ADAM17: variants seen among roughly 807,000 people sequenced by gnomAD.
ADAM17 encodes ADAM metallopeptidase domain 17, also known as disintegrin and metalloproteinase domain-containing protein 17.
In ADAM17, 39 loss-of-function variants were observed where a neutral mutation model predicts 96.7. The ratio of observed to expected loss-of-function variants is 0.40; its 90% CI spans 0.31 to 0.53. The LOEUF (loss-of-function observed/expected upper bound fraction) is 0.53. Among genes scored for constraint, ADAM17 ranks in the 20% least tolerant of loss-of-function variants. The probability of loss-of-function intolerance (pLI) is 0.44; values close to 1 mark genes in which losing one functional copy is unlikely to be tolerated. For synonymous variants in ADAM17, 344 were observed against 359.2 expected (o/e 0.96, Z 0.48); for missense variants, 777 against 1,013.2 (o/e 0.77, Z 3.17).
chr2:9,542,263 G>T (rs1431651529), intron 2 of ADAM17, among the ~76,000 whole-genome samples: 4 of 152,108 alleles, frequency 2.6e-5, no homozygotes, highest in African/African-American at 9.7e-5. Flanking sequence ...ATTTGGGCCA[G>T]GCATGGTGGC....
At chr2:9,539,741 T>C (rs1456913539) in intron 2 of ADAM17, among the ~76,000 whole-genome samples, 1 of 152,204 alleles carries the variant, frequency 6.6e-6, no homozygotes, top group Non-Finnish European at 1.5e-5. Flanking sequence ...CGCAATATGA[T>C]AGAAAAGAAA....
chr2:9,492,941 G>A lies in ADAM17; in HGVS notation c.2039C>T (p.Ser680Phe). The change falls in exon 17 of 19, where the codon TCC becomes TTC. Residue 680 changes from serine to phenylalanine, a missense_variant. Coordinates refer to ENST00000310823, the MANE Select transcript of ADAM17 (RefSeq NM_003183.6). ...GCTGAAAGGAATCCAAAATATCAAGGAGAAAACCAGGACAGACCCAACGAT... is the reference window on the plus strand; with the variant it reads ...GCTGAAAGGAATCCAAAATATCAAGAAGAAAACCAGGACAGACCCAACGAT... ...DNIVGSVLVF[S>F]LIFWIPFSIL... 1.2e-6 allele frequency: 2 copies of A among 1,612,988 alleles called. No individual in the cohort carries two copies. Among genetic ancestry groups the A allele is most frequent in the Non-Finnish European group, 1.7e-6 (2 of 1,179,384 alleles).
At chr2:9,530,772 T>A (rs1317531585) in intron 4 of ADAM17, among the ~76,000 whole-genome samples, 1 of 152,176 alleles carries the variant, frequency 6.6e-6, no homozygotes, top group Non-Finnish European at 1.5e-5. Flanking sequence ...TAAGGATGCA[T>A]ACAGAAGTAT....
intron 1 of ADAM17, among the ~76,000 whole-genome samples, chr2:9,554,350 A>G (rs969061147): frequency 1.3e-5 from 2 of 152,194 alleles, no homozygotes; most frequent in African/African-American, 4.8e-5. Flanking sequence ...ATGTCCTTCA[A>G]TTTGTACTGA....
intron 1 of ADAM17, among the ~76,000 whole-genome samples, chr2:9,547,907 A>C (rs1232020061): frequency 6.6e-6 from 1 of 152,048 alleles, no homozygotes. Context: ...AAATAAAATA[A>C]AATACAAAAA....
intron 12 of ADAM17, among the ~76,000 whole-genome samples, chr2:9,503,094 C>T (rs986299133): frequency 9.5e-5 from 14 of 147,684 alleles, no homozygotes; most frequent in Non-Finnish European, 2.1e-4. Flanking sequence ...GAGCCAAGAT[C>T]GCGCCACTGC....
At chr2:9,538,175 T>C (rs1160862839) in intron 2 of ADAM17, among the ~76,000 whole-genome samples, 1 of 152,206 alleles carries the variant, frequency 6.6e-6, no homozygotes, top group African/African-American at 2.4e-5. Context: ...TTCTCAAGTA[T>C]TATTTATAGT....
intron 13 of ADAM17, among the ~76,000 whole-genome samples, chr2:9,501,265 A>G (rs1165445134): frequency 6.6e-6 from 1 of 152,226 alleles, no homozygotes. Flanking sequence ...AAAAAAAGTA[A>G]GAACAAGAGA....
At chr2:9,524,490 A>G (rs1479819310) in intron 6 of ADAM17, among the ~76,000 whole-genome samples, 3 of 151,970 alleles carry the variant, frequency 2.0e-5, no homozygotes, top group Non-Finnish European at 4.4e-5. Context: ...AAAAAAAAAA[A>G]GTCACGTGAG....
rs370991762 is a variant in ADAM17 at position 9,509,965 on chromosome 2, C to T, written c.1344+14G>A. 3.8e-5 allele frequency: 62 copies of T among 1,612,862 alleles called. No individual in the cohort carries two copies. Among genetic ancestry groups the T allele is most frequent in the East Asian group, 2.7e-4 (12 of 44,878 alleles). The stretch of plus-strand genomic sequence containing the variant: ...CTTTCCAAACCACATAAAAAATTCT[C>T]GACACACACATACCTTATTGTTCTC... On this transcript the variant is annotated intron_variant, in intron 11 of 18. Coordinates refer to ENST00000310823, the MANE Select transcript of ADAM17 (RefSeq NM_003183.6).
intron 1 of ADAM17, among the ~76,000 whole-genome samples, chr2:9,553,166 C>G (rs1375265897): frequency 6.6e-6 from 1 of 152,170 alleles, no homozygotes; most frequent in Non-Finnish European, 1.5e-5. Flanking sequence ...TTTCCTCCTC[C>G]TTTATTTGAA....
chr2:9,528,388 A>C (rs960015453), intron 4 of ADAM17, among the ~76,000 whole-genome samples: 1 of 152,222 alleles, frequency 6.6e-6, no homozygotes. Context: ...CTTAATACTT[A>C]GGTGTTTGAC....
rs542537903 is a variant in ADAM17 at position 9,523,933 on chromosome 2, C to T, written c.754-595G>A. Among the ~76,000 whole-genome samples, 69 of 151,122 alleles carry T rather than the reference C, an allele frequency of 4.6e-4. 1 individual carries two copies. The South Asian group carries it at 0.014, about 30-fold the overall frequency. ...CTCTGTCACCAGGGGTGCAGTACAG[C>T]GGCACGATCATAGCTCACTACAGCC... On this transcript the variant is annotated intron_variant, in intron 6 of 18. Transcript: ENST00000310823.
chr2:9,549,627 G>T, intron 1 of ADAM17, among the ~76,000 whole-genome samples: 1 of 152,038 alleles, frequency 6.6e-6, no homozygotes, highest in East Asian at 1.9e-4. Context: ...TCCTGGGCAT[G>T]AGCAATCCTC....
At position 9,555,724 on chromosome 2, in the gene ADAM17, T is replaced by G; in HGVS notation, c.-119A>C. On this transcript the variant is annotated 5_prime_UTR_variant, in exon 1 of 19. Transcript: ENST00000310823. ...CCCGGCCTAGCCCCTCAATCCTCTT[T>G]TCCCTCCCGCGCCGCCTACTGGGAA... is the stretch of plus-strand genomic sequence containing the variant. The G allele has an allele frequency of 3.8e-6, 3 of 796,574 alleles. No individual in the cohort carries two copies. The highest frequency in any genetic ancestry group is 3.7e-6 in the Non-Finnish European group (2 of 544,016). The allele number at this position is 796,574 out of a possible 1,614,324, so 49.3% of individuals were successfully genotyped here. A position where few individuals can be genotyped will look rare whatever the true frequency, so the allele number is the denominator to read the frequency against.
chr2:9,549,169 A>AAG (rs1480118749), intron 1 of ADAM17, among the ~76,000 whole-genome samples: 4 of 152,272 alleles, frequency 2.6e-5, no homozygotes, highest in African/African-American at 9.6e-5. Context: ...GTGGGAGTTC[A>AAG]AGACCAGCCT....
rs548548539 is a variant in ADAM17 at position 9,489,725 on chromosome 2, C to CA, written c.*451dup. ...TATCTCCTTTGTTTTTAGTTGAAGG[C>CA]AAAAAAAAAAAAAAAAAAAAAAAAC... On this transcript the variant is annotated 3_prime_UTR_variant, in exon 19 of 19. Coordinates refer to ENST00000310823, the MANE Select transcript of ADAM17 (RefSeq NM_003183.6). 4,792 of 78,146 alleles carry CA rather than the reference C, an allele frequency of 0.061. 353 individuals are homozygous for CA. The highest frequency in any genetic ancestry group is 0.13 in the African/African-American group (2,686 of 20,826). The allele number at this position is 78,146 out of a possible 1,614,324, so 4.8% of individuals were successfully genotyped here. A position where few individuals can be genotyped will look rare whatever the true frequency, so the allele number is the denominator to read the frequency against.
intron 17 of ADAM17, among the ~76,000 whole-genome samples, chr2:9,492,109 G>C (rs559589801): frequency 7.2e-5 from 11 of 152,338 alleles, no homozygotes; most frequent in Middle Eastern, 3.4e-3. Flanking sequence ...GGAAAGGAAG[G>C]AGGCAGTAGG....
intron 2 of ADAM17, 137 bp from the exon 3 acceptor site, chr2:9,536,965 A>G: frequency 2.0e-6 from 2 of 976,754 alleles, no homozygotes; most frequent in South Asian, 3.4e-5. Context: ...AAGTCTTATT[A>G]GGTACTTAGA....
Sources: gnomAD v4.1 joint callset for allele counts (sites outside exome capture counted in the v4.1 genomes callset) on GRCh38, gnomAD v4.1.1 for gene constraint, MANE v1.5 for transcripts, NCBI Gene and HGNC (gene_info 2026-07-23, HGNC 2026-07-21) for gene names.